DDX10: variants seen among roughly 807,000 people sequenced by gnomAD.
The protein encoded by DDX10 is DEAD-box helicase 10.
In DDX10, 74 loss-of-function variants were observed where a neutral mutation model predicts 104.3. The ratio of observed to expected loss-of-function variants is 0.71; its 90% CI spans 0.59 to 0.86. The LOEUF is 0.86. Among genes scored for constraint, DDX10 ranks in the 40% least tolerant of loss-of-function variants. The pLI is 0.00. For missense variants in DDX10, 952 were observed against 1,040.0 expected, an observed-to-expected ratio of 0.92 and a Z score of 1.16; for synonymous variants, 351 against 353.4, an observed-to-expected ratio of 0.99 and a Z score of 0.08.
intron 16 of DDX10, among the ~76,000 whole-genome samples, chr11:108,879,150 C>T (rs1271843782): frequency 2.0e-5 from 3 of 151,988 alleles, no homozygotes; most frequent in East Asian, 1.9e-4. Context: ...TACAGGTGCA[C>T]GCCACCACAC....
chr11:108,679,632 A>G (rs2094231898), intron 6 of DDX10, 72 bp downstream of exon 6: 7 of 1,155,336 alleles, frequency 6.1e-6, no homozygotes, highest in Non-Finnish European at 7.2e-6. Context: ...TATTTTAAAT[A>G]TCTGTTTTCT....
chr11:108,836,519 T>C (rs958701659), intron 13 of DDX10, among the ~76,000 whole-genome samples: 1 of 152,306 alleles, frequency 6.6e-6, no homozygotes, highest in African/African-American at 2.4e-5. Flanking sequence ...CAGAGTCTTG[T>C]TCTTTTGCCT....
chr11:108,755,602 G>C (rs1274427523), intron 13 of DDX10, among the ~76,000 whole-genome samples: 1 of 151,960 alleles, frequency 6.6e-6, no homozygotes, highest in African/African-American at 2.4e-5. Context: ...TGAGGCTTTT[G>C]AGCTTGCAGA....
chr11:108,902,848 C>A (rs1215823612), intron 16 of DDX10, among the ~76,000 whole-genome samples: 1 of 151,982 alleles, frequency 6.6e-6, no homozygotes, highest in Non-Finnish European at 1.5e-5. Flanking sequence ...ATAATCCTTT[C>A]CATTTGTTAA....
chr11:108,852,269 T>C (rs2134605697), intron 16 of DDX10, 60 bp downstream of exon 16: 1 of 1,344,792 alleles, frequency 7.4e-7, no homozygotes, highest in South Asian at 1.4e-5. Flanking sequence ...GACAAAAGCA[T>C]TTTATATTTT....
intron 13 of DDX10, among the ~76,000 whole-genome samples, chr11:108,784,043 C>G (rs1646403153): frequency 2.0e-5 from 3 of 152,144 alleles, no homozygotes; most frequent in Non-Finnish European, 4.4e-5. Context: ...TTTATTTATC[C>G]AGTTCATCAT....
chr11:108,728,368 T>G (rs1430020986), intron 13 of DDX10, among the ~76,000 whole-genome samples: 1 of 152,078 alleles, frequency 6.6e-6, no homozygotes, highest in African/African-American at 2.4e-5. Context: ...TTACCCAGAT[T>G]ATAAAATGCT....
rs184661106 is a variant in DDX10, at chr11:108,766,752, C to T, written c.1965+43290C>T. Among the ~76,000 whole-genome samples the T allele has an allele frequency of 7.3e-4, 111 of 152,254 alleles. 1 individual carries two copies. Among genetic ancestry groups the T allele is most frequent in the African/African-American group, 2.6e-3 (109 of 41,532 alleles). Reference sequence around the variant, plus strand: ...GGTCATCTATTTCATCACAGTATTTCCTGCACCAGTGCCTGGTACATAGTT... The same window carrying T: ...GGTCATCTATTTCATCACAGTATTTTCTGCACCAGTGCCTGGTACATAGTT... On this transcript the variant is annotated intron_variant, in intron 13 of 17. Coordinates refer to ENST00000322536, the MANE Select transcript of DDX10 (RefSeq NM_004398.4).
At chr11:108,783,169 A>G (rs1861730438) in intron 13 of DDX10, among the ~76,000 whole-genome samples, 1 of 152,148 alleles carries the variant, frequency 6.6e-6, no homozygotes, top group African/African-American at 2.4e-5. Context: ...TATTTCTTCT[A>G]TTAGACTGTG....
chr11:108,895,333 T>G (rs1217028608), intron 16 of DDX10, among the ~76,000 whole-genome samples: 2 of 151,798 alleles, frequency 1.3e-5, no homozygotes, highest in Non-Finnish European at 2.9e-5. Context: ...TATATCCAAG[T>G]CTCCTTTGGG....
intron 9 of DDX10, among the ~76,000 whole-genome samples, chr11:108,696,591 T>G (rs2094260205): frequency 6.6e-6 from 1 of 152,130 alleles, no homozygotes; most frequent in African/African-American, 2.4e-5. Context: ...TTGTGTAAAT[T>G]TTTACATGTA....
intron 13 of DDX10, among the ~76,000 whole-genome samples, chr11:108,760,925 A>G (rs2094350154): frequency 6.6e-6 from 1 of 151,960 alleles, no homozygotes; most frequent in Non-Finnish European, 1.5e-5. Flanking sequence ...GATGTGAAAA[A>G]TTTTCAAAGG....
At chr11:108,730,210 C>T in intron 13 of DDX10, 1 of 152,174 alleles carries the variant, frequency 6.6e-6, no homozygotes, top group East Asian at 1.9e-4. Context: ...CTTCAGATTG[C>T]TTTACTTCTA....
At chr11:108,892,567 C>T (rs568318697) in intron 16 of DDX10, among the ~76,000 whole-genome samples, 1 of 152,064 alleles carries the variant, frequency 6.6e-6, no homozygotes, top group Non-Finnish European at 1.5e-5. Context: ...CCCGTGCAAT[C>T]AGCGTTTTTA....
chr11:108,677,394 A>G (rs769991806), intron 4 of DDX10, 151 bp downstream of exon 4: 13 of 644,018 alleles, frequency 2.0e-5, no homozygotes, highest in Non-Finnish European at 2.7e-5. Flanking sequence ...GGTCGCTGCT[A>G]TCTACGATCT....
chr11:108,771,989 G>A (rs2094363815), intron 13 of DDX10, among the ~76,000 whole-genome samples: 2 of 152,150 alleles, frequency 1.3e-5, no homozygotes, highest in African/African-American at 4.8e-5. Context: ...TAGCTTTTAG[G>A]CTGTTTTTAG....
At position 108,686,131 on chromosome 11, in the gene DDX10, A is replaced by G. The variant is rs2094243678; in HGVS notation, c.849-2805A>G. On this transcript the variant is annotated intron_variant, in intron 6 of 17. Coordinates refer to ENST00000322536, the MANE Select transcript of DDX10 (RefSeq NM_004398.4). ...AGTTTTAGGTTAATCTCAAAATTGA[A>G]AGGAAGGTACAGAGATTTGCCACAT... Among the ~76,000 whole-genome samples the G allele has an allele frequency of 2.0e-5, 3 of 152,168 alleles. No homozygotes were observed. The Middle Eastern group carries it at 0.01, about 518-fold the overall frequency.
In DDX10 at chr11:108,719,962, T is replaced by A; in HGVS notation, c.1499+77T>A. The A allele has an allele frequency of 3.3e-6, 3 of 921,130 alleles. No individual in the cohort carries two copies. The South Asian group carries it at 4.2e-5, about 13-fold the overall frequency. 57.1% of individuals were successfully genotyped at this position (921,130 alleles called of 1,614,324 possible). A position where few individuals can be genotyped will look rare whatever the true frequency, so the allele number is the denominator to read the frequency against. On this transcript the variant is annotated intron_variant, in intron 12 of 17. Coordinates refer to ENST00000322536, the MANE Select transcript of DDX10 (RefSeq NM_004398.4). ...TTAATTAATTAATTTAGAGATGGGG[T>A]CTTGCTATGTTGCCCAGGCTGTCTC...
At chr11:108,725,669 C>A (rs2126568) in intron 13 of DDX10, among the ~76,000 whole-genome samples, 152,105 of 152,134 alleles carry the variant, frequency 1, 76,038 homozygotes, top group Middle Eastern at 1. Flanking sequence ...GTAAGTTCTA[C>A]GAGTTCTTTG....
Sources: gnomAD v4.1 joint callset for allele counts (sites outside exome capture counted in the v4.1 genomes callset) on GRCh38, gnomAD v4.1.1 for gene constraint, MANE v1.5 for transcripts, NCBI Gene and HGNC (gene_info 2026-07-23, HGNC 2026-07-21) for gene names.